Variants in CRTAC1 observed in about 807,000 individuals in gnomAD.
CRTAC1 encodes acidic secreted protein in cartilage.
Under a neutral mutation model 67.8 loss-of-function variants are expected in CRTAC1, and 37 were observed. That is an observed-to-expected ratio of 0.55 (90% CI 0.42 to 0.72). CRTAC1 has a LOEUF of 0.72. Ranked by LOEUF, CRTAC1 falls within the 30% of genes least tolerant of loss-of-function variation. The pLI, the probability that CRTAC1 is intolerant of heterozygous loss-of-function variation, is 0.00. For missense variants in CRTAC1, 780 were observed against 931.6 expected (o/e 0.84, Z 2.12); for synonymous variants, 348 against 371.0 (o/e 0.94, Z 0.71).
intron 14 of CRTAC1, among the ~76,000 whole-genome samples, chr10:97,874,089 G>T (rs948752967): frequency 6.6e-6 from 1 of 152,252 alleles, no homozygotes. Context: ...GGTGCTGGGA[G>T]CAGCCTGGAG....
At chr10:97,917,475 C>A in intron 5 of CRTAC1, 25 bp downstream of exon 5, 1 of 1,475,272 alleles carries the variant, frequency 6.8e-7, no homozygotes, top group African/African-American at 1.4e-5. Flanking sequence ...CTCCAGCATA[C>A]TACCTCCCAT....
intron 2 of CRTAC1, among the ~76,000 whole-genome samples, chr10:97,998,217 C>G (rs1842623247): frequency 6.6e-6 from 1 of 152,160 alleles, no homozygotes; most frequent in Non-Finnish European, 1.5e-5. Flanking sequence ...AACTGATCTG[C>G]TTGTCTCAAT....
chr10:97,961,075 ATTTTT>A (rs1201165669), intron 2 of CRTAC1, among the ~76,000 whole-genome samples: 2 of 151,478 alleles, frequency 1.3e-5, no homozygotes, highest in African/African-American at 2.4e-5. Flanking sequence ...TGGTCTTGTA[ATTTTT>A]TTTTAATTTT....
chr10:97,985,504 T>C (rs746660864), intron 2 of CRTAC1, among the ~76,000 whole-genome samples: 1 of 152,126 alleles, frequency 6.6e-6, no homozygotes, highest in African/African-American at 2.4e-5. Flanking sequence ...CTTGTCCTAA[T>C]GAAGAGAGCA....
At chr10:97,880,462 C>CTA in intron 13 of CRTAC1, 70 bp from the exon 14 acceptor site, 1 of 1,574,076 alleles carries the variant, frequency 6.4e-7, no homozygotes. Flanking sequence ...CTCTGCCTGC[C>CTA]TATACACTGT....
At position 97,988,136 on chromosome 10, in the gene CRTAC1, G is replaced by C. The variant is rs947944572; in HGVS notation, c.224+23002C>G. Among the ~76,000 whole-genome samples, 16 of 152,110 alleles carry C rather than the reference G, an allele frequency of 1.1e-4. No homozygotes were observed. The East Asian group carries it at 2.7e-3, about 26-fold the overall frequency. The stretch of plus-strand genomic sequence containing the variant: ...CGATCCTGGCCACATTTGGTCTCTG[G>C]CTCCTGTCTGTCCTGACAGCCCCTG... On this transcript the variant is annotated intron_variant, in intron 2 of 14. Transcript: ENST00000370597.
chr10:98,004,822 T>C (rs1428869352), intron 2 of CRTAC1, among the ~76,000 whole-genome samples: 1 of 151,844 alleles, frequency 6.6e-6, no homozygotes, highest in Non-Finnish European at 1.5e-5. Context: ...TTTTATAATA[T>C]ATATACACAA....
intron 2 of CRTAC1, among the ~76,000 whole-genome samples, chr10:98,009,618 A>C (rs566005361): frequency 6.6e-6 from 1 of 152,340 alleles, no homozygotes; most frequent in South Asian, 2.1e-4. Flanking sequence ...GGTTAGAATT[A>C]AAACCAGGTC....
intron 4 of CRTAC1, among the ~76,000 whole-genome samples, chr10:97,919,522 GCTCTGTTCCTT>G (rs2136591098): frequency 6.6e-6 from 1 of 152,306 alleles, no homozygotes; most frequent in South Asian, 2.1e-4. Flanking sequence ...CCTACAGATT[GCTCTGTTCCTT>G]CTCTTTTGGT....
chr10:97,947,168 A>G (rs1036379475), intron 2 of CRTAC1, among the ~76,000 whole-genome samples: 2 of 152,238 alleles, frequency 1.3e-5, no homozygotes, highest in African/African-American at 2.4e-5. Context: ...GAGTAAAAAG[A>G]TAAGTCAGGC....
intron 2 of CRTAC1, among the ~76,000 whole-genome samples, chr10:97,974,053 A>G (rs146638642): frequency 6.6e-6 from 1 of 151,876 alleles, no homozygotes; most frequent in Non-Finnish European, 1.5e-5. Flanking sequence ...TTTTGATTTT[A>G]AGATAAAATA....
At chr10:98,027,970 TA>T (rs1843273653) in intron 1 of CRTAC1, among the ~76,000 whole-genome samples, 1 of 152,208 alleles carries the variant, frequency 6.6e-6, no homozygotes, top group Non-Finnish European at 1.5e-5. Context: ...TTCTCATCTG[TA>T]AATTAAATGT....
intron 1 of CRTAC1, among the ~76,000 whole-genome samples, chr10:98,013,250 A>AAAGTGG (rs1208711605): frequency 6.6e-6 from 1 of 152,198 alleles, no homozygotes; most frequent in Non-Finnish European, 1.5e-5. Context: ...ATGGAAGAGA[A>AAAGTGG]AAGTGGCATC....
chr10:97,889,242 G>A (rs1047593747), intron 11 of CRTAC1, among the ~76,000 whole-genome samples: 5 of 152,016 alleles, frequency 3.3e-5, no homozygotes, highest in African/African-American at 4.8e-5. Flanking sequence ...TTTATTTTCC[G>A]GGTTTGGGAG....
intron 13 of CRTAC1, 33 bp from the exon 14 acceptor site, chr10:97,880,425 G>T: frequency 1.2e-6 from 2 of 1,603,588 alleles, no homozygotes; most frequent in South Asian, 1.1e-5. Context: ...CACCATGAAG[G>T]TGTGGGGCAG....
At chr10:98,017,160 T>A (rs1843014847) in intron 1 of CRTAC1, among the ~76,000 whole-genome samples, 1 of 151,840 alleles carries the variant, frequency 6.6e-6, no homozygotes, top group Admixed American at 6.6e-5. Flanking sequence ...CCGGCAGGAG[T>A]AGCACTAGAG....
intron 5 of CRTAC1, 55 bp from the exon 6 acceptor site, chr10:97,908,202 G>A: frequency 1.9e-6 from 3 of 1,601,848 alleles, no homozygotes; most frequent in Non-Finnish European, 2.6e-6. Flanking sequence ...AGGCCCACCT[G>A]GAGGACAGGG....
chr10:97,986,435 ACTTTCC>A (rs1397931384), intron 2 of CRTAC1, among the ~76,000 whole-genome samples: 1 of 152,194 alleles, frequency 6.6e-6, no homozygotes, highest in Non-Finnish European at 1.5e-5. Context: ...CTAGAGCAGT[ACTTTCC>A]AACGTTAAGA....
intron 14 of CRTAC1, chr10:97,868,269 C>T (rs1358624229): frequency 2.0e-5 from 3 of 152,312 alleles, no homozygotes; most frequent in African/African-American, 4.8e-5. Flanking sequence ...TTAAAGATCA[C>T]TTGAATCCTG....
Sources: gnomAD v4.1 joint callset for allele counts (sites outside exome capture counted in the v4.1 genomes callset) on GRCh38, gnomAD v4.1.1 for gene constraint, MANE v1.5 for transcripts, NCBI Gene and HGNC (gene_info 2026-07-23, HGNC 2026-07-21) for gene names.